SEMA6D: variants seen among roughly 807,000 people sequenced by gnomAD.
The protein encoded by SEMA6D is semaphorin-6D.
In SEMA6D, 35 loss-of-function variants were observed where a neutral mutation model predicts 106.6. The observed-to-expected ratio is 0.33, with a 90% CI of 0.25 to 0.44. The LOEUF (loss-of-function observed/expected upper bound fraction) is 0.44. Among genes scored for constraint, SEMA6D ranks in the 20% least tolerant of loss-of-function variants. The pLI is 1.00. For synonymous variants in SEMA6D, 499 were observed against 487.7 expected, an observed-to-expected ratio of 1.02 and a Z score of -0.31; for missense variants, 1,185 against 1,345.9, an observed-to-expected ratio of 0.88 and a Z score of 1.87.
chr15:47,230,561 A>G (rs563830449), intron 1 of SEMA6D, among the ~76,000 whole-genome samples: 4 of 152,006 alleles, frequency 2.6e-5, no homozygotes, highest in Admixed American at 2.0e-4. Flanking sequence ...TGCCTTCTCT[A>G]TCTCATCCAT....
intron 4 of SEMA6D, among the ~76,000 whole-genome samples, chr15:47,611,357 T>C (rs933585105): frequency 1.3e-5 from 2 of 152,238 alleles, no homozygotes; most frequent in Admixed American, 6.5e-5. Flanking sequence ...CATGCTATCA[T>C]ATGTATTAAA....
At chr15:47,197,579 A>T (rs1327298164) in intron 1 of SEMA6D, among the ~76,000 whole-genome samples, 1 of 151,858 alleles carries the variant, frequency 6.6e-6, no homozygotes, top group Non-Finnish European at 1.5e-5. Context: ...TAATTGAAAT[A>T]AATCCACAAT....
Position 47,259,884 on chromosome 15 carries a change from GATT to G in SEMA6D, c.-239+75470_-239+75472del, listed in dbSNP as rs2033988116. On this transcript the variant is annotated intron_variant, in intron 1 of 19. Transcript: ENST00000558014. The stretch of plus-strand genomic sequence containing the variant: ...TTTTTTTCTTTTTTGTTTTTAAATA[GATT>G]ATTTTCTCTTTGTTGTTCAGATGGG... 2.6e-5 allele frequency among the ~76,000 whole-genome samples: 4 copies of G among 151,522 alleles called. No homozygotes were observed. The South Asian group carries it at 8.3e-4, about 32-fold the overall frequency.
intron 4 of SEMA6D, among the ~76,000 whole-genome samples, chr15:47,674,388 G>A (rs938941517): frequency 6.6e-6 from 1 of 152,166 alleles, no homozygotes; most frequent in Non-Finnish European, 1.5e-5. Flanking sequence ...AGTCACTGGG[G>A]CCATTTTAAA....
chr15:47,343,405 A>C (rs1393858481), intron 1 of SEMA6D, among the ~76,000 whole-genome samples: 30 of 134,648 alleles, frequency 2.2e-4, no homozygotes, highest in African/African-American at 4.5e-4. Context: ...ATCCCTCCCC[A>C]CTCCCCCCAC....
At chr15:47,431,512 C>G (rs952121795) in intron 2 of SEMA6D, among the ~76,000 whole-genome samples, 2 of 152,092 alleles carry the variant, frequency 1.3e-5, no homozygotes, top group African/African-American at 4.8e-5. Flanking sequence ...CCTACATCCT[C>G]CCGCAGTGAT....
chr15:47,423,759 T>G (rs532189289), intron 2 of SEMA6D, among the ~76,000 whole-genome samples: 9 of 152,240 alleles, frequency 5.9e-5, no homozygotes, highest in African/African-American at 2.2e-4. Flanking sequence ...AAGCAAGCTC[T>G]AATTTTATTC....
At chr15:47,658,997 T>C (rs1229268132) in intron 4 of SEMA6D, among the ~76,000 whole-genome samples, 1 of 152,102 alleles carries the variant, frequency 6.6e-6, no homozygotes, top group Non-Finnish European at 1.5e-5. Flanking sequence ...AATATTCTAT[T>C]GAGGACTAAA....
At position 47,692,463 on chromosome 15, in the gene SEMA6D, A is replaced by C. The variant is rs116079846; in HGVS notation, c.-54-67282A>C. ...GTTAAGGTCCACTTGCTGATTGCACAATTTGCTCTGCTTAAAAAATCCCTA... is the reference window on the plus strand; with the variant it reads ...GTTAAGGTCCACTTGCTGATTGCACCATTTGCTCTGCTTAAAAAATCCCTA... On this transcript the variant is annotated intron_variant, in intron 4 of 19. Transcript: ENST00000558014. 4.8e-3 allele frequency among the ~76,000 whole-genome samples: 735 copies of C among 152,280 alleles called. 4 individuals are homozygous for C. Among genetic ancestry groups the C allele is most frequent in the African/African-American group, 0.017 (703 of 41,556 alleles).
At chr15:47,662,964 T>C (rs951648011) in intron 4 of SEMA6D, among the ~76,000 whole-genome samples, 1 of 152,080 alleles carries the variant, frequency 6.6e-6, no homozygotes, top group African/African-American at 2.4e-5. Flanking sequence ...ACAAATAGTT[T>C]AGCCAGGAGG....
At chr15:47,552,831 T>TTTATATATATATATATATATAA (rs1491028135) in intron 3 of SEMA6D, among the ~76,000 whole-genome samples, 1 of 72,504 alleles carries the variant, frequency 1.4e-5, no homozygotes, top group African/African-American at 9.3e-5. Context: ...TATATATTTT[T>TTTATATATATATATATATATAA]ATATATATAT....
chr15:47,735,080 A>G (rs1305411044), intron 1 of SEMA6D, among the ~76,000 whole-genome samples: 1 of 152,208 alleles, frequency 6.6e-6, no homozygotes, highest in Non-Finnish European at 1.5e-5. Context: ...CCAAGACCTT[A>G]AAACTCTAAT....
chr15:47,245,487 T>C (rs981880440), intron 1 of SEMA6D, among the ~76,000 whole-genome samples: 6 of 152,188 alleles, frequency 3.9e-5, no homozygotes, highest in Admixed American at 3.9e-4. Flanking sequence ...ATAGGTGTTG[T>C]CTGAGAAGCA....
chr15:47,325,345 G>A (rs991864191), intron 1 of SEMA6D, among the ~76,000 whole-genome samples: 20 of 151,954 alleles, frequency 1.3e-4, no homozygotes, highest in African/African-American at 4.6e-4. Context: ...GGCTAATTTT[G>A]TATTTTTAGT....
intron 3 of SEMA6D, among the ~76,000 whole-genome samples, chr15:47,597,672 C>G (rs1408785642): frequency 6.6e-6 from 1 of 151,368 alleles, no homozygotes. Flanking sequence ...TAATAAAACT[C>G]ATAGAAGCAG....
intron 2 of SEMA6D, among the ~76,000 whole-genome samples, chr15:47,424,454 T>G (rs1458554572): frequency 6.6e-6 from 1 of 152,150 alleles, no homozygotes; most frequent in Non-Finnish European, 1.5e-5. Context: ...GAAATAAACA[T>G]TTTGTCTACC....
chr15:47,223,637 G>A (rs1428839497), intron 1 of SEMA6D, among the ~76,000 whole-genome samples: 1 of 152,072 alleles, frequency 6.6e-6, no homozygotes, highest in East Asian at 1.9e-4. Context: ...TCAGCTTCCT[G>A]TGCATGAACT....
intron 3 of SEMA6D, among the ~76,000 whole-genome samples, chr15:47,487,129 A>G (rs1355263611): frequency 2.6e-5 from 4 of 152,314 alleles, no homozygotes; most frequent in East Asian, 1.9e-4. Context: ...CGTAAAGACA[A>G]TCAAACAATA....
At position 47,195,952 on chromosome 15, in the gene SEMA6D, C is replaced by T. The variant is rs542397320; in HGVS notation, c.-239+11534C>T. On this transcript the variant is annotated intron_variant, in intron 1 of 19. Coordinates refer to the SEMA6D transcript ENST00000558014. ...AGCAGAGAAAGCAAGGCCCCCCAGG[C>T]CACCTGCCTTCACCCACCACCACTG... Among the ~76,000 whole-genome samples, 6 of 151,996 alleles carry T rather than the reference C, an allele frequency of 3.9e-5. No individual in the cohort carries two copies. The East Asian group carries it at 9.7e-4, about 25-fold the overall frequency.
Sources: allele counts gnomAD v4.1 joint callset (sites outside exome capture counted in the v4.1 genomes callset), GRCh38; gene constraint gnomAD v4.1.1; transcripts MANE v1.5; gene names NCBI Gene and HGNC (gene_info 2026-07-23, HGNC 2026-07-21).